Variants in SPATA9 observed in about 807,000 individuals in gnomAD.
SPATA9 encodes the protein spermatogenesis associated 9.
In SPATA9, 27 loss-of-function variants were observed where a neutral mutation model predicts 25.5. That is an observed-to-expected ratio of 1.06 (90% CI 0.78 to 1.46). The LOEUF (loss-of-function observed/expected upper bound fraction) is 1.46. Among genes scored for constraint, SPATA9 ranks in the 40% most tolerant of loss-of-function variants. SPATA9 has a pLI of 0.00. For synonymous variants in SPATA9, 102 were observed against 105.7 expected (o/e 0.97, Z 0.21); for missense variants, 282 against 297.5 (o/e 0.95, Z 0.38).
chr5:95,697,569 C>T (rs1257498716), intron 1 of SPATA9, among the ~76,000 whole-genome samples: 2 of 152,168 alleles, frequency 1.3e-5, no homozygotes, highest in Admixed American at 6.5e-5. Context: ...ATCAACTCCA[C>T]AATCAAGGGG....
chr5:95,704,003 A>G, the SPATA9 span, among the ~76,000 whole-genome samples: 1 of 152,176 alleles, frequency 6.6e-6, no homozygotes, highest in Admixed American at 6.6e-5. Context: ...ACAAACACTG[A>G]CAAACGTGCA....
At chr5:95,673,694 G>C (rs143059040) in intron 3 of SPATA9, among the ~76,000 whole-genome samples, 1 of 151,642 alleles carries the variant, frequency 6.6e-6, no homozygotes, top group Admixed American at 6.6e-5. Context: ...AAGATAATAT[G>C]GTTTAGCTTT....
At chr5:95,720,454 G>A in the SPATA9 span, among the ~76,000 whole-genome samples, 7 of 152,326 alleles carry the variant, frequency 4.6e-5, no homozygotes, top group East Asian at 1.3e-3. Flanking sequence ...TTAATAAAAT[G>A]CACTGGTTGA....
chr5:95,680,410 T>G (rs1190053377), intron 2 of SPATA9, among the ~76,000 whole-genome samples: 1 of 152,234 alleles, frequency 6.6e-6, no homozygotes. Context: ...TTTACTGACA[T>G]GCAAAATAAC....
chr5:95,681,858 G>A lies in SPATA9; in HGVS notation c.150+670C>T, dbSNP rs544680911. Among the ~76,000 whole-genome samples, 6 of 152,266 alleles carry A rather than the reference G, an allele frequency of 3.9e-5. No individual in the cohort carries two copies. The South Asian group carries it at 1.0e-3, about 26-fold the overall frequency. ...GATAAGTGGATTGTTCCTGTACCAT[G>A]TACCTTCACAGCATATTCTATTCCA... On this transcript the variant is annotated intron_variant, in intron 2 of 4. Coordinates refer to ENST00000274432, the MANE Select transcript of SPATA9 (RefSeq NM_031952.4).
intron 3 of SPATA9, among the ~76,000 whole-genome samples, chr5:95,664,663 ATACT>A (rs888045204): frequency 6.6e-6 from 1 of 152,196 alleles, no homozygotes; most frequent in African/African-American, 2.4e-5. Context: ...TCAGCTTAAC[ATACT>A]TAGTTATACT....
At chr5:95,695,779 C>T (rs937188782) in intron 1 of SPATA9, among the ~76,000 whole-genome samples, 9 of 152,290 alleles carry the variant, frequency 5.9e-5, no homozygotes, top group African/African-American at 1.7e-4. Context: ...CCAGTGATCC[C>T]TGCCTCCTGG....
chr5:95,718,809 A>G, the SPATA9 span, among the ~76,000 whole-genome samples: 6 of 152,192 alleles, frequency 3.9e-5, no homozygotes, highest in African/African-American at 1.4e-4. Context: ...TAGGGAAGAA[A>G]ACGAAGACAG....
the SPATA9 span, chr5:95,731,681 T>A: frequency 1.2e-6 from 2 of 1,613,400 alleles, no homozygotes; most frequent in Non-Finnish European, 1.7e-6. Context: ...GGATTTGAGA[T>A]CATGTACGTA....
chr5:95,679,238 C>T (rs1174754591), intron 2 of SPATA9, among the ~76,000 whole-genome samples: 2 of 152,182 alleles, frequency 1.3e-5, no homozygotes, highest in Non-Finnish European at 2.9e-5. Flanking sequence ...CCATGCCTGT[C>T]TCTGGCTTCC....
At chr5:95,696,265 A>G (rs892617476) in intron 1 of SPATA9, among the ~76,000 whole-genome samples, 7 of 147,624 alleles carry the variant, frequency 4.7e-5, no homozygotes, top group African/African-American at 1.8e-4. Context: ...ATTTTTACAT[A>G]GTAAAATAAA....
At chr5:95,730,877 A>C in the SPATA9 span, 5 of 455,856 alleles carry the variant, frequency 1.1e-5, no homozygotes, top group East Asian at 2.8e-4. Context: ...ATGTTGACAA[A>C]TGAGAAAGCG....
chr5:95,666,114 G>T (rs987653178), intron 3 of SPATA9, among the ~76,000 whole-genome samples: 1 of 152,128 alleles, frequency 6.6e-6, no homozygotes, highest in African/African-American at 2.4e-5. Flanking sequence ...TATGAAGTTG[G>T]TATTATTATT....
At chr5:95,685,191 T>G (rs577382543), upstream of SPATA9, among the ~76,000 whole-genome samples, 314 of 152,360 alleles carry the variant, frequency 2.1e-3, 1 homozygote, top group African/African-American at 6.9e-3. Flanking sequence ...GTGGCAGGTT[T>G]CATTAAATAT....
chr5:95,702,933 C>T (rs952223599), upstream of SPATA9, among the ~76,000 whole-genome samples: 3 of 152,198 alleles, frequency 2.0e-5, no homozygotes, highest in African/African-American at 7.2e-5. Context: ...GCGGAACATG[C>T]AGCACTTCAC....
Position 95,665,970 on chromosome 5 carries a change from AAAAT to A in SPATA9, c.379-1926_379-1923del, listed in dbSNP as rs550728489. Among the ~76,000 whole-genome samples the A allele has an allele frequency of 6.1e-3, 934 of 152,324 alleles. 4 individuals are homozygous for A. The highest frequency in any genetic ancestry group is 0.022 in the African/African-American group (908 of 41,578). ...GGCAACAAGAGCAAAACTCCATCTC[AAAAT>A]AAATAAATAAAAGGTACTTCTGAAG... On this transcript the variant is annotated intron_variant, in intron 3 of 4. Coordinates refer to ENST00000274432, the MANE Select transcript of SPATA9 (RefSeq NM_031952.4).
At chr5:95,671,097 T>C (rs1752328604) in intron 3 of SPATA9, among the ~76,000 whole-genome samples, 1 of 152,234 alleles carries the variant, frequency 6.6e-6, no homozygotes, top group Admixed American at 6.5e-5. Context: ...AGTCATGTTC[T>C]CGCTCACCTC....
intron 2 of SPATA9, among the ~76,000 whole-genome samples, chr5:95,676,414 C>T (rs1752958343): frequency 6.6e-6 from 1 of 152,142 alleles, no homozygotes; most frequent in Admixed American, 6.5e-5. Context: ...ATTAAGTAAA[C>T]AAGAATTCTT....
intron 3 of SPATA9, among the ~76,000 whole-genome samples, chr5:95,664,977 A>G (rs1751631100): frequency 6.6e-6 from 1 of 152,250 alleles, no homozygotes; most frequent in African/African-American, 2.4e-5. Context: ...TGAAAAAACT[A>G]AAACAATGAT....
Sources: gnomAD v4.1 joint callset for allele counts (sites outside exome capture counted in the v4.1 genomes callset) on GRCh38, gnomAD v4.1.1 for gene constraint, MANE v1.5 for transcripts, NCBI Gene and HGNC (gene_info 2026-07-23, HGNC 2026-07-21) for gene names.